ERC1: variants seen among roughly 807,000 people sequenced by gnomAD.
ERC1 encodes RAB6 interacting protein 2.
ERC1 carries 56 observed loss-of-function variants against 132.0 expected under a neutral mutation model. The ratio of observed to expected loss-of-function variants is 0.42; its 90% CI spans 0.34 to 0.53. The LOEUF (loss-of-function observed/expected upper bound fraction) is 0.53, where lower values mean the gene tolerates loss of function less well. Among genes scored for constraint, ERC1 ranks in the 20% least tolerant of loss-of-function variants. The pLI is 0.03. For missense variants in ERC1, 1,202 were observed against 1,349.9 expected, an observed-to-expected ratio of 0.89 and a Z score of 1.72; for synonymous variants, 478 against 476.1, an observed-to-expected ratio of 1.00 and a Z score of -0.05.
rs75682211 is a variant in ERC1 at position 1,254,823 on chromosome 12, C to T, written c.2488-8211C>T. The stretch of plus-strand genomic sequence containing the variant: ...TTTTAATTGACAAATAATAATCGTA[C>T]GTATGTATGGTGATGTTTGAATACA... On this transcript the variant is annotated intron_variant, in intron 13 of 18. Transcript: ENST00000360905. Among the ~76,000 whole-genome samples the T allele has an allele frequency of 1.1e-3, 166 of 152,100 alleles. 3 individuals are homozygous for T. The East Asian group carries it at 0.027, about 25-fold the overall frequency.
At chr12:1,043,136 C>T (rs370257744) in intron 2 of ERC1, among the ~76,000 whole-genome samples, 2 of 151,454 alleles carry the variant, frequency 1.3e-5, no homozygotes, top group Non-Finnish European at 2.9e-5. Context: ...CTTTGCCTCC[C>T]GGGTCTAAGC....
chr12:1,396,352 G>C (rs1008058225), intron 16 of ERC1, among the ~76,000 whole-genome samples: 2 of 152,170 alleles, frequency 1.3e-5, no homozygotes, highest in African/African-American at 4.8e-5. Context: ...CGTAGGAAAG[G>C]TGGGAGCTAC....
chr12:1,132,483 C>T (rs1477798912), intron 7 of ERC1, among the ~76,000 whole-genome samples: 1 of 152,116 alleles, frequency 6.6e-6, no homozygotes, highest in African/African-American at 2.4e-5. Context: ...CTCTCAGTGC[C>T]GTGCGGGTAT....
At chr12:1,339,105 G>A (rs2083569376) in intron 15 of ERC1, among the ~76,000 whole-genome samples, 1 of 151,164 alleles carries the variant, frequency 6.6e-6, no homozygotes, top group Admixed American at 6.6e-5. Flanking sequence ...CAGGGTGCCT[G>A]CCCCCATGTA....
chr12:1,256,534 A>C (rs2154319038), intron 13 of ERC1, among the ~76,000 whole-genome samples: 1 of 150,036 alleles, frequency 6.7e-6, no homozygotes, highest in Middle Eastern at 3.5e-3. Flanking sequence ...CATTTGCCCA[A>C]TTTTTTTTCA....
At chr12:1,026,681 G>A (rs1449644049) in intron 1 of ERC1, among the ~76,000 whole-genome samples, 1 of 152,210 alleles carries the variant, frequency 6.6e-6, no homozygotes, top group East Asian at 1.9e-4. Context: ...CTCAGATCAG[G>A]TCAAGGTTTG....
chr12:1,025,933 A>T (rs1396854168), intron 1 of ERC1, among the ~76,000 whole-genome samples: 4 of 150,064 alleles, frequency 2.7e-5, no homozygotes. Context: ...AGTGGCTGGG[A>T]TTACAGGCAC....
At chr12:1,354,739 G>A (rs1044856762) in intron 15 of ERC1, among the ~76,000 whole-genome samples, 5 of 152,192 alleles carry the variant, frequency 3.3e-5, no homozygotes, top group Admixed American at 6.5e-5. Flanking sequence ...CAACCTCCGC[G>A]TTCTAGGTTC....
At position 1,325,530 on chromosome 12, in the gene ERC1, TG is replaced by T. The variant is rs576087522; in HGVS notation, c.2780+35519del. On this transcript the variant is annotated intron_variant, in intron 15 of 18. Coordinates refer to ENST00000360905, the MANE Select transcript of ERC1 (RefSeq NM_178040.4). Reference sequence around the variant, plus strand: ...TATTGGTAAACATATGAATGAGGCATGTTTCATAAAACTTTATAAATTTAAT... The same window carrying T: ...TATTGGTAAACATATGAATGAGGCATTTTCATAAAACTTTATAAATTTAAT... 3.8e-3 allele frequency among the ~76,000 whole-genome samples: 573 copies of T among 152,306 alleles called. 1 individual carries two copies. The highest frequency in any genetic ancestry group is 0.013 in the African/African-American group (530 of 41,570).
intron 1 of ERC1, among the ~76,000 whole-genome samples, chr12:1,009,245 G>T (rs1264899711): frequency 6.6e-6 from 1 of 151,642 alleles, no homozygotes; most frequent in African/African-American, 2.4e-5. Flanking sequence ...CACTATCTCG[G>T]CTCACTGCAA....
intron 17 of ERC1, among the ~76,000 whole-genome samples, chr12:1,433,839 G>T (rs150642515): frequency 1.3e-5 from 2 of 152,244 alleles, no homozygotes; most frequent in African/African-American, 2.4e-5. Context: ...ACTGGTTAAA[G>T]CATGAAGAGA....
intron 8 of ERC1, among the ~76,000 whole-genome samples, chr12:1,154,406 A>G (rs1231134375): frequency 2.0e-5 from 3 of 151,570 alleles, no homozygotes; most frequent in Non-Finnish European, 2.9e-5. Flanking sequence ...CCATATACAA[A>G]AATTAACCTA....
At chr12:1,265,496 C>T (rs553534717) in intron 14 of ERC1, among the ~76,000 whole-genome samples, 10 of 152,172 alleles carry the variant, frequency 6.6e-5, no homozygotes, top group Non-Finnish European at 1.5e-4. Flanking sequence ...CCTTTCTCTG[C>T]CTCAGTTTCC....
intron 1 of ERC1, among the ~76,000 whole-genome samples, chr12:993,365 C>T (rs1163763379): frequency 3.3e-5 from 5 of 152,184 alleles, no homozygotes; most frequent in Non-Finnish European, 2.9e-5. Flanking sequence ...AGCTGTGATT[C>T]TTGTCCTTGT....
chr12:1,396,987 T>C (rs189236212), intron 16 of ERC1, among the ~76,000 whole-genome samples: 40 of 152,272 alleles, frequency 2.6e-4, no homozygotes, highest in African/African-American at 8.9e-4. Flanking sequence ...ACCAAAGTTA[T>C]CAAGCCTGTA....
intron 18 of ERC1, 116 bp downstream of exon 18, chr12:1,444,866 GC>G: frequency 1.2e-6 from 1 of 852,296 alleles, no homozygotes; most frequent in Non-Finnish European, 1.8e-6. Flanking sequence ...TGCAGTGGGG[GC>G]TACCTTGGGG....
intron 8 of ERC1, among the ~76,000 whole-genome samples, chr12:1,146,682 G>T (rs1950406039): frequency 6.7e-6 from 1 of 149,530 alleles, no homozygotes; most frequent in African/African-American, 2.5e-5. Context: ...GTGCAGGTTT[G>T]TTACATACGT....
At chr12:1,354,454 C>T (rs2085331433) in intron 15 of ERC1, among the ~76,000 whole-genome samples, 1 of 151,642 alleles carries the variant, frequency 6.6e-6, no homozygotes, top group South Asian at 2.1e-4. Context: ...ACCTGGGAGG[C>T]AGGGGTTTCA....
chr12:1,489,824 A>G (rs2094299022), intron 18 of ERC1, among the ~76,000 whole-genome samples: 4 of 152,130 alleles, frequency 2.6e-5, no homozygotes. Flanking sequence ...TGGTGGAGAG[A>G]ACATTCTGTT....
Sources: allele counts gnomAD v4.1 joint callset (sites outside exome capture counted in the v4.1 genomes callset), GRCh38; gene constraint gnomAD v4.1.1; transcripts MANE v1.5; gene names NCBI Gene and HGNC (gene_info 2026-07-23, HGNC 2026-07-21).